The following HTRA1 variants were observed in gnomAD, a reference collection of about 807,000 sequenced individuals.
HTRA1 encodes HtrA serine peptidase 1.
Under a neutral mutation model 49.7 loss-of-function variants are expected in HTRA1, and 26 were observed. The ratio of observed to expected loss-of-function variants is 0.52; its 90% CI spans 0.38 to 0.73. The LOEUF is 0.73. Among genes scored for constraint, HTRA1 ranks in the 30% least tolerant of loss-of-function variants. The pLI is 0.00. For synonymous variants in HTRA1, 291 were observed against 286.9 expected (o/e 1.01, Z -0.14); for missense variants, 561 against 667.2 (o/e 0.84, Z 1.75).
rs968067581 is a variant in HTRA1, at chr10:122,506,282, G to C, written c.778-409G>C. Among the ~76,000 whole-genome samples the C allele has an allele frequency of 1.9e-4, 29 of 152,090 alleles. No homozygotes were observed. The highest frequency in any genetic ancestry group is 6.8e-4 in the African/African-American group (28 of 41,398). On this transcript the variant is annotated intron_variant, in intron 3 of 8. Transcript: ENST00000368984. The surrounding 1 kb of genome is among the most constrained non-coding windows in gnomAD (Gnocchi z 5.2). ...CCTGTAGCTTGGGATCCTTCCCTGGGGCTTGGTTCTCTAGGGCCATCCCCA... is the reference window on the plus strand; with the variant it reads ...CCTGTAGCTTGGGATCCTTCCCTGGCGCTTGGTTCTCTAGGGCCATCCCCA...
chr10:122,480,687 G>T (rs1392505348), intron 1 of HTRA1, among the ~76,000 whole-genome samples: 1 of 152,128 alleles, frequency 6.6e-6, no homozygotes, highest in Non-Finnish European at 1.5e-5. Flanking sequence ...CTGGAGGGAG[G>T]TGGTGGGAGG....
intron 1 of HTRA1, among the ~76,000 whole-genome samples, chr10:122,463,704 A>C (rs2097482604): frequency 6.6e-6 from 1 of 152,204 alleles, no homozygotes; most frequent in African/African-American, 2.4e-5. Context: ...GCTAAGGTTG[A>C]AAAACTTGCC....
At chr10:122,470,231 G>A (rs1041982421) in intron 1 of HTRA1, among the ~76,000 whole-genome samples, 1 of 152,176 alleles carries the variant, frequency 6.6e-6, no homozygotes, top group African/African-American at 2.4e-5. Context: ...TGAACCACTA[G>A]AGTTAGAAAA....
intron 1 of HTRA1, among the ~76,000 whole-genome samples, chr10:122,467,539 G>A (rs767823755): frequency 1.2e-4 from 18 of 152,184 alleles, no homozygotes; most frequent in Non-Finnish European, 2.1e-4. Flanking sequence ...TTAAAGCCAA[G>A]GCTGGCATCG....
intron 1 of HTRA1, among the ~76,000 whole-genome samples, chr10:122,463,589 G>C (rs925048719): frequency 6.6e-6 from 1 of 152,086 alleles, no homozygotes; most frequent in African/African-American, 2.4e-5. Context: ...TGCAGCCTCC[G>C]ACCCCTGGGC....
intron 7 of HTRA1, among the ~76,000 whole-genome samples, chr10:122,510,442 T>TCA (rs1418799632): frequency 1.5e-4 from 23 of 152,148 alleles, no homozygotes; most frequent in African/African-American, 5.1e-4. Context: ...AGTGTGTGCG[T>TCA]GGTGGGGCTG....
intron 3 of HTRA1, among the ~76,000 whole-genome samples, chr10:122,499,254 G>A (rs1481144431): frequency 1.3e-5 from 2 of 152,194 alleles, no homozygotes; most frequent in Non-Finnish European, 2.9e-5. Context: ...AGGTCCAGGG[G>A]CTGGTGGGCA....
rs532970591 is a variant in HTRA1 at position 122,505,282 on chromosome 10, A to T, written c.778-1409A>T. Among the ~76,000 whole-genome samples the T allele has an allele frequency of 2.0e-5, 3 of 152,182 alleles. No individual in the cohort carries two copies. In the East Asian group the frequency reaches 5.8e-4, roughly 29 times the overall value. On this transcript the variant is annotated intron_variant, in intron 3 of 8. Coordinates refer to ENST00000368984, the MANE Select transcript of HTRA1 (RefSeq NM_002775.5). ...TCTCCTGGTCCTCTTGGTATCTGTGATCTGAGGGACCTTCCTCCTCCTCAG... is the reference window on the plus strand; with the variant it reads ...TCTCCTGGTCCTCTTGGTATCTGTGTTCTGAGGGACCTTCCTCCTCCTCAG...
At chr10:122,512,185 G>A (rs146629848) in intron 8 of HTRA1, 120 bp downstream of exon 8, 62 of 809,162 alleles carry the variant, frequency 7.7e-5, no homozygotes, top group Non-Finnish European at 1.2e-4. Context: ...CTTGACAGAC[G>A]TGGTCGGACG....
intron 1 of HTRA1, among the ~76,000 whole-genome samples, chr10:122,474,377 G>A (rs2097487503): frequency 6.6e-6 from 1 of 152,120 alleles, no homozygotes; most frequent in Non-Finnish European, 1.5e-5. Context: ...GCTGGGTACT[G>A]CTTGGAAGAA....
chr10:122,509,292 A>G (rs1293358774), intron 6 of HTRA1, among the ~76,000 whole-genome samples: 1 of 152,148 alleles, frequency 6.6e-6, no homozygotes, highest in Admixed American at 6.5e-5. Flanking sequence ...AACACATAAG[A>G]TACTATTAGT....
At position 122,490,561 on chromosome 10, in the gene HTRA1, T is replaced by C. The variant is rs754653692; in HGVS notation, c.777+935T>C. 6.6e-6 allele frequency among the ~76,000 whole-genome samples: 1 copy of C among 152,140 alleles called. No individual in the cohort carries two copies. The highest frequency in any genetic ancestry group is 1.5e-5 in the Non-Finnish European group (1 of 68,038). ...GTTTCTTCACATCCTTATAATTTTC[T>C]AGACTTCAGATGGAGGGAACAATCA... On this transcript the variant is annotated intron_variant, in intron 3 of 8. Transcript: ENST00000368984. The surrounding 1 kb of genome is among the most constrained non-coding windows in gnomAD (Gnocchi z 4.2).
intron 1 of HTRA1, among the ~76,000 whole-genome samples, chr10:122,472,543 G>T (rs956694977): frequency 1.3e-5 from 2 of 152,044 alleles, no homozygotes; most frequent in Non-Finnish European, 2.9e-5. Context: ...TTACAGGCCT[G>T]CACCACCACA....
In HTRA1 at chr10:122,511,725, T is replaced by A. The variant is rs1420105935; in HGVS notation, c.1179-245T>A. 8.3e-5 allele frequency among the ~76,000 whole-genome samples: 8 copies of A among 96,302 alleles called. No homozygotes were observed. In the Admixed American group the frequency reaches 8.7e-4, roughly 11 times the overall value. 63.2% of individuals were successfully genotyped at this position (96,302 alleles called of 152,430 possible). ...TCCAGCCTGGGCGACAGAGCAAGACTCTGTCTCAAAAAAAAAAAAATAAAT... is the reference window on the plus strand; with the variant it reads ...TCCAGCCTGGGCGACAGAGCAAGACACTGTCTCAAAAAAAAAAAAATAAAT... On this transcript the variant is annotated intron_variant, in intron 7 of 8. Coordinates refer to ENST00000368984, the MANE Select transcript of HTRA1 (RefSeq NM_002775.5).
At chr10:122,479,690 G>A (rs2097490147) in intron 1 of HTRA1, among the ~76,000 whole-genome samples, 1 of 152,146 alleles carries the variant, frequency 6.6e-6, no homozygotes, top group Non-Finnish European at 1.5e-5. Context: ...GAGGTGTGGG[G>A]AGAGGTCTGC....
chr10:122,492,785 A>G (rs974210125), intron 3 of HTRA1, among the ~76,000 whole-genome samples: 2 of 152,096 alleles, frequency 1.3e-5, no homozygotes, highest in Non-Finnish European at 2.9e-5. Flanking sequence ...TGGGACCATC[A>G]GTCATGGTGT....
chr10:122,481,888 C>T (rs1382878746), intron 1 of HTRA1, among the ~76,000 whole-genome samples: 1 of 152,162 alleles, frequency 6.6e-6, no homozygotes, highest in Non-Finnish European at 1.5e-5. Flanking sequence ...ATGACATGCT[C>T]CTCCTTGCCT....
At chr10:122,480,088 C>T (rs1282800115) in intron 1 of HTRA1, among the ~76,000 whole-genome samples, 1 of 152,122 alleles carries the variant, frequency 6.6e-6, no homozygotes, top group Non-Finnish European at 1.5e-5. Flanking sequence ...CTCCCAAGCC[C>T]TTTGGAGTAG....
chr10:122,469,871 G>C (rs762556950), intron 1 of HTRA1, among the ~76,000 whole-genome samples: 3 of 152,156 alleles, frequency 2.0e-5, no homozygotes, highest in Non-Finnish European at 4.4e-5. Flanking sequence ...TCAAATATTT[G>C]GTGGGTGTTT....
Sources: gnomAD v4.1 joint callset for allele counts (sites outside exome capture counted in the v4.1 genomes callset) on GRCh38, gnomAD v4.1.1 for gene constraint, Gnocchi (gnomAD v3.1) non-coding constraint, MANE v1.5 for transcripts, NCBI Gene and HGNC (gene_info 2026-07-23, HGNC 2026-07-21) for gene names.